Variants in SRRM3 observed in about 807,000 individuals in gnomAD.
The protein encoded by SRRM3 is serine/arginine repetitive matrix protein 3.
A neutral mutation model predicts 66.2 loss-of-function variants in SRRM3; 27 were observed. The observed-to-expected ratio is 0.41, with a 90% CI of 0.30 to 0.56. The LOEUF (loss-of-function observed/expected upper bound fraction) is 0.56, where lower values mean the gene tolerates loss of function less well. Ranked by LOEUF, SRRM3 falls within the 20% of genes least tolerant of loss-of-function variation. The pLI is 0.32. For missense variants in SRRM3, 918 were observed against 991.9 expected, an observed-to-expected ratio of 0.93 and a Z score of 1.00; for synonymous variants, 391 against 414.9, an observed-to-expected ratio of 0.94 and a Z score of 0.70.
chr7:76,285,310 C>T lies in SRRM3; in HGVS notation c.1734-305C>T, dbSNP rs189197768. 1.3e-4 allele frequency: 47 copies of T among 360,222 alleles called. No homozygotes were observed. The highest frequency in any genetic ancestry group is 8.4e-4 in the African/African-American group (40 of 47,494). 22.3% of individuals were successfully genotyped at this position (360,222 alleles called of 1,614,324 possible). ...AACTTCTGACCTCAAGTGATCCGCC[C>T]GCCTCAGCCTCCCAAAGTGCTGGGA... On this transcript the variant is annotated intron_variant, in intron 14 of 14. Coordinates refer to ENST00000611745, the MANE Select transcript of SRRM3 (RefSeq NM_001110199.3). The surrounding 1 kb of genome is among the most constrained non-coding windows in gnomAD (Gnocchi z 4.1).
At chr7:76,242,832 T>C (rs1563621866) in intron 2 of SRRM3, among the ~76,000 whole-genome samples, 2 of 151,940 alleles carry the variant, frequency 1.3e-5, no homozygotes, top group South Asian at 4.2e-4. Context: ...TGATAGGAGG[T>C]GGAGCTCAGG....
intron 6 of SRRM3, 82 bp downstream of exon 6, chr7:76,260,985 C>T (rs782106929): frequency 2.0e-4 from 288 of 1,465,048 alleles, no homozygotes; most frequent in Non-Finnish European, 2.5e-4. Context: ...CCCCAGAGGC[C>T]GGAGGCCTGG....
intron 5 of SRRM3, among the ~76,000 whole-genome samples, chr7:76,260,403 C>T (rs1270142504): frequency 1.8e-5 from 2 of 113,498 alleles, no homozygotes; most frequent in Non-Finnish European, 3.6e-5. Context: ...CCTCGCTAGG[C>T]CCCGCCCCTC....
chr7:76,220,230 A>T (rs1437971259), intron 1 of SRRM3, among the ~76,000 whole-genome samples: 3 of 152,168 alleles, frequency 2.0e-5, no homozygotes, highest in Non-Finnish European at 4.4e-5. Flanking sequence ...TCAGCCAAGG[A>T]GCAACAGTCA....
At chr7:76,219,143 C>T (rs988497667) in intron 1 of SRRM3, among the ~76,000 whole-genome samples, 1 of 152,216 alleles carries the variant, frequency 6.6e-6, no homozygotes, top group East Asian at 1.9e-4. Context: ...CCACCATACC[C>T]GGCCTGTATT....
At chr7:76,282,912 G>A in intron 13 of SRRM3, 40 bp downstream of exon 13, 1 of 1,307,860 alleles carries the variant, frequency 7.6e-7, no homozygotes, top group South Asian at 2.2e-5. Context: ...GGCGGGCGGC[G>A]GGGTGGAGCG....
chr7:76,222,487 C>T (rs540026562), intron 1 of SRRM3, among the ~76,000 whole-genome samples: 2 of 152,026 alleles, frequency 1.3e-5, no homozygotes, highest in South Asian at 4.2e-4. Flanking sequence ...CAATACCCTT[C>T]ACTGGCTCCC....
intron 14 of SRRM3, among the ~76,000 whole-genome samples, chr7:76,284,341 A>G (rs1381455397): frequency 6.6e-6 from 1 of 151,474 alleles, no homozygotes; most frequent in East Asian, 1.9e-4. Context: ...CGCCCAGCTA[A>G]TTTTTTTTGT....
At chr7:76,267,682 C>T (rs1398269702) in intron 11 of SRRM3, 1 of 381,756 alleles carries the variant, frequency 2.6e-6, no homozygotes, top group Non-Finnish European at 4.6e-6. Context: ...GCCACCCTTG[C>T]GCTTGGCAAA....
chr7:76,220,644 T>C (rs1328885676), intron 1 of SRRM3, among the ~76,000 whole-genome samples: 1 of 152,160 alleles, frequency 6.6e-6, no homozygotes, highest in Admixed American at 6.5e-5. Flanking sequence ...TGCCCAGGCA[T>C]GGCTGGACCC....
intron 5 of SRRM3, among the ~76,000 whole-genome samples, 177 bp downstream of exon 5, chr7:76,260,374 C>G (rs1241517543): frequency 6.8e-6 from 1 of 146,722 alleles, no homozygotes; most frequent in Non-Finnish European, 1.5e-5. Flanking sequence ...TGAACCCACC[C>G]CAGGCCTCAA....
chr7:76,203,752 G>A (rs1217745257), intron 1 of SRRM3, among the ~76,000 whole-genome samples: 2 of 151,790 alleles, frequency 1.3e-5, no homozygotes, highest in Non-Finnish European at 2.9e-5. Flanking sequence ...CTTTCCCAAG[G>A]TCATGAAGCC....
intron 11 of SRRM3, among the ~76,000 whole-genome samples, chr7:76,277,539 C>CA (rs1167785689): frequency 3.3e-5 from 5 of 151,410 alleles, no homozygotes; most frequent in Non-Finnish European, 5.9e-5. Context: ...ACTAAAAATA[C>CA]AAAAAAATTA....
chr7:76,282,572 C>T (rs1486432627), intron 12 of SRRM3, 76 bp from the exon 13 acceptor site: 4 of 599,554 alleles, frequency 6.7e-6, no homozygotes, highest in Non-Finnish European at 1.0e-5. Context: ...CTAAGCCCCG[C>T]CCCAGGGAAC....
chr7:76,256,239 G>A (rs529035606), intron 3 of SRRM3, among the ~76,000 whole-genome samples: 22 of 152,290 alleles, frequency 1.4e-4, no homozygotes, highest in Middle Eastern at 3.4e-3. Context: ...GGGCACAGTG[G>A]CTCATGTCTG....
chr7:76,262,465 A>C (rs1046804692), intron 8 of SRRM3, among the ~76,000 whole-genome samples: 2 of 140,528 alleles, frequency 1.4e-5, no homozygotes, highest in Non-Finnish European at 3.0e-5. Flanking sequence ...AAGAGATTGC[A>C]GTGGAGTGCA....
intron 1 of SRRM3, among the ~76,000 whole-genome samples, chr7:76,203,896 G>A (rs1554600846): frequency 6.6e-6 from 1 of 152,020 alleles, no homozygotes; most frequent in East Asian, 1.9e-4. Context: ...AGGCAGGTGG[G>A]TGAGGGCATA....
At chr7:76,255,788 T>G (rs1801697951) in intron 3 of SRRM3, among the ~76,000 whole-genome samples, 1 of 151,850 alleles carries the variant, frequency 6.6e-6, no homozygotes, top group Non-Finnish European at 1.5e-5. Flanking sequence ...CTTCAAAGAG[T>G]CAATTAGTGG....
At chr7:76,247,414 G>T (rs1801469739) in intron 2 of SRRM3, among the ~76,000 whole-genome samples, 1 of 152,056 alleles carries the variant, frequency 6.6e-6, no homozygotes, top group South Asian at 2.1e-4. Context: ...ACCTCCCATG[G>T]CTATATGAGG....
Sources: allele counts gnomAD v4.1 joint callset (sites outside exome capture counted in the v4.1 genomes callset), GRCh38; gene constraint gnomAD v4.1.1; non-coding constraint Gnocchi (gnomAD v3.1); transcripts MANE v1.5; gene names NCBI Gene and HGNC (gene_info 2026-07-23, HGNC 2026-07-21).